Variants in CACNA1E observed in about 807,000 individuals in gnomAD.
CACNA1E encodes calcium voltage-gated channel subunit alpha1 E.
A neutral mutation model predicts 259.2 loss-of-function variants in CACNA1E; 40 were observed. That is an observed-to-expected ratio of 0.15 (90% CI 0.12 to 0.20). CACNA1E has a LOEUF of 0.20. Among genes scored for constraint, CACNA1E ranks in the 10% least tolerant of loss-of-function variants. The pLI is 1.00. For synonymous variants in CACNA1E, 1,104 were observed against 1,138.5 expected (o/e 0.97, Z 0.61); for missense variants, 1,874 against 3,040.1 (o/e 0.62, Z 9.02).
At chr1:181,547,351 A>G (rs1271353309) in intron 3 of CACNA1E, among the ~76,000 whole-genome samples, 1 of 150,734 alleles carries the variant, frequency 6.6e-6, no homozygotes, top group Non-Finnish European at 1.5e-5. Flanking sequence ...TGGATTTCTC[A>G]CCCCTGTTCA....
At chr1:181,611,471 T>C (rs927755471) in intron 6 of CACNA1E, among the ~76,000 whole-genome samples, 1 of 152,082 alleles carries the variant, frequency 6.6e-6, no homozygotes, top group Admixed American at 6.6e-5. Context: ...AAAAACCTTG[T>C]CAATTATCAA....
At chr1:181,430,520 C>G (rs1441022814) in intron 2 of CACNA1E, among the ~76,000 whole-genome samples, 1 of 152,158 alleles carries the variant, frequency 6.6e-6, no homozygotes, top group African/African-American at 2.4e-5. Flanking sequence ...CCCCCACCTC[C>G]CTGTGCAAGT....
At chr1:181,579,811 G>A (rs1036561249) in intron 5 of CACNA1E, among the ~76,000 whole-genome samples, 1 of 152,134 alleles carries the variant, frequency 6.6e-6, no homozygotes, top group Admixed American at 6.5e-5. Context: ...GGGTCCCTCC[G>A]GATCTGTGGA....
intron 10 of CACNA1E, among the ~76,000 whole-genome samples, chr1:181,716,402 A>T (rs1267931357): frequency 6.6e-6 from 1 of 151,874 alleles, no homozygotes; most frequent in Non-Finnish European, 1.5e-5. Context: ...GATGTATTCC[A>T]TTTGCAGAAG....
intron 41 of CACNA1E, 141 bp from the exon 42 acceptor site, chr1:181,785,177 G>A (rs977975629): frequency 3.1e-6 from 2 of 651,028 alleles, no homozygotes; most frequent in South Asian, 1.8e-5. Flanking sequence ...TGGCACCATG[G>A]GGGCCCTCAA....
chr1:181,568,522 C>T (rs1248537020), intron 3 of CACNA1E, among the ~76,000 whole-genome samples: 1 of 152,132 alleles, frequency 6.6e-6, no homozygotes, highest in Non-Finnish European at 1.5e-5. Context: ...AGGCTTGGTC[C>T]AAAACATTAA....
intron 2 of CACNA1E, among the ~76,000 whole-genome samples, chr1:181,427,185 C>T (rs1659344998): frequency 6.6e-6 from 1 of 151,590 alleles, no homozygotes; most frequent in African/African-American, 2.4e-5. Flanking sequence ...CTCCCTATTT[C>T]ACCCTCTCCC....
At chr1:181,344,597 G>A (rs562845086) in intron 1 of CACNA1E, among the ~76,000 whole-genome samples, 2 of 152,284 alleles carry the variant, frequency 1.3e-5, no homozygotes, top group Admixed American at 6.5e-5. Flanking sequence ...CCAGGGGTCT[G>A]AGCAGCTGGA....
intron 6 of CACNA1E, among the ~76,000 whole-genome samples, chr1:181,632,489 G>A (rs1052815517): frequency 6.6e-6 from 1 of 152,106 alleles, no homozygotes; most frequent in African/African-American, 2.4e-5. Flanking sequence ...AGGATGCTGG[G>A]GATCAGGTCA....
intron 6 of CACNA1E, among the ~76,000 whole-genome samples, chr1:181,605,075 T>G (rs1326978649): frequency 6.6e-6 from 1 of 151,312 alleles, no homozygotes; most frequent in Non-Finnish European, 1.5e-5. Context: ...TGTCCAGAGA[T>G]TGAGTGAGGG....
chr1:181,762,547 G>A (rs776712852), intron 32 of CACNA1E, 27 bp from the exon 33 acceptor site: 14 of 1,323,494 alleles, frequency 1.1e-5, no homozygotes, highest in Non-Finnish European at 1.5e-5. Flanking sequence ...CTTTTCTGAT[G>A]TTCCTATGAC....
intron 6 of CACNA1E, among the ~76,000 whole-genome samples, chr1:181,630,373 G>A (rs1558204228): frequency 6.7e-6 from 1 of 149,830 alleles, no homozygotes; most frequent in Middle Eastern, 3.4e-3. Flanking sequence ...ACAAAGCAGT[G>A]TAATTAACAT....
chr1:181,768,842 A>G (rs1240121585), intron 35 of CACNA1E, among the ~76,000 whole-genome samples: 1 of 152,246 alleles, frequency 6.6e-6, no homozygotes, highest in Admixed American at 6.5e-5. Flanking sequence ...TGTTTCTAAT[A>G]TAGTCACAAC....
chr1:181,778,906 A>T lies in CACNA1E; in HGVS notation c.5268-2521A>T, dbSNP rs556831254. Among the ~76,000 whole-genome samples, 5 of 152,318 alleles carry T rather than the reference A, an allele frequency of 3.3e-5. No individual in the cohort carries two copies. In the South Asian group the frequency reaches 6.2e-4, roughly 19 times the overall value. Reference sequence around the variant, plus strand: ...GCCCTTTGTGATTTCCCTCATGCCAACTGTGCTCCTTGCTAATTAGCCTAA... The same window carrying T: ...GCCCTTTGTGATTTCCCTCATGCCATCTGTGCTCCTTGCTAATTAGCCTAA... On this transcript the variant is annotated intron_variant, in intron 38 of 47. Transcript: ENST00000367573.
intron 2 of CACNA1E, among the ~76,000 whole-genome samples, chr1:181,462,624 C>T (rs1373681648): frequency 1.3e-5 from 2 of 152,136 alleles, no homozygotes; most frequent in Non-Finnish European, 2.9e-5. Flanking sequence ...ATTCTTTGTT[C>T]CTTGCTCCGG....
At chr1:181,628,278 G>C (rs910037720) in intron 6 of CACNA1E, among the ~76,000 whole-genome samples, 5 of 152,314 alleles carry the variant, frequency 3.3e-5, no homozygotes, top group African/African-American at 1.2e-4. Flanking sequence ...GACCAAGTCA[G>C]AGTAAATGTC....
chr1:181,585,674 G>A (rs1200147784), intron 6 of CACNA1E, among the ~76,000 whole-genome samples: 1 of 152,198 alleles, frequency 6.6e-6, no homozygotes, highest in Non-Finnish European at 1.5e-5. Context: ...TGAAGTGGGT[G>A]GGTGAGGGAG....
intron 37 of CACNA1E, among the ~76,000 whole-genome samples, chr1:181,772,524 G>C (rs1659610427): frequency 6.6e-6 from 1 of 152,140 alleles, no homozygotes; most frequent in Admixed American, 6.5e-5. Context: ...TTGTGAAAAG[G>C]GAAGGTGAGC....
Position 181,717,201 on chromosome 1 carries a change from C to T in CACNA1E, c.1424C>T (p.Ser475Phe). ...ATCTCCATTCGCCACATGGTTAAAT[C>T]CCAGGTGTTTTACTGGATTGTGCTG... ...LRISIRHMVK[S>F]QVFYWIVLSL... Residue 475 changes from serine to phenylalanine, a missense_variant, in exon 11 of 48, where the codon TCC (serine) becomes TTC (phenylalanine). Ser to Phe is a radical substitution (Grantham distance 155). Coordinates refer to ENST00000367573, the MANE Select transcript of CACNA1E (RefSeq NM_001205293.3). 1.2e-6 allele frequency: 2 copies of T among 1,613,928 alleles called. No homozygotes were observed. Among genetic ancestry groups the T allele is most frequent in the Non-Finnish European group, 1.7e-6 (2 of 1,179,798 alleles).
Sources: gnomAD v4.1 joint callset for allele counts (sites outside exome capture counted in the v4.1 genomes callset) on GRCh38, gnomAD v4.1.1 for gene constraint, MANE v1.5 for transcripts, NCBI Gene and HGNC (gene_info 2026-07-23, HGNC 2026-07-21) for gene names.